SOX30: variants seen among roughly 807,000 people sequenced by gnomAD.
SOX30 encodes SRY-box transcription factor 30.
Under a neutral mutation model 58.6 loss-of-function variants are expected in SOX30, and 17 were observed. The observed-to-expected ratio is 0.29, with a 90% CI of 0.20 to 0.44. SOX30 has a LOEUF of 0.44. Among genes scored for constraint, SOX30 ranks in the 20% least tolerant of loss-of-function variants. The pLI, the probability that SOX30 is intolerant of heterozygous loss-of-function variation, is 1.00. For missense variants in SOX30, 951 were observed against 965.8 expected (o/e 0.98, Z 0.20); for synonymous variants, 421 against 400.2 (o/e 1.05, Z -0.62).
In SOX30 at chr5:157,646,867, A is replaced by G. The variant is rs781186297; in HGVS notation, c.1208-51T>C. The G allele has an allele frequency of 2.0e-5, 28 of 1,382,232 alleles. 1 individual carries two copies. In the South Asian group the frequency reaches 3.0e-4, roughly 15 times the overall value. The allele number at this position is 1,382,232 out of a possible 1,614,324, so 85.6% of individuals were successfully genotyped here. A position where few individuals can be genotyped will look rare whatever the true frequency, so the allele number is the denominator to read the frequency against. On this transcript the variant is annotated intron_variant, in intron 2 of 4. Transcript: ENST00000265007. ...TGTGTAGACTCCATTTAGCCTTTAAATAATTTTTTTCATACTAAAATGCAA... is the reference window on the plus strand; with the variant it reads ...TGTGTAGACTCCATTTAGCCTTTAAGTAATTTTTTTCATACTAAAATGCAA...
intron 4 of SOX30, among the ~76,000 whole-genome samples, chr5:157,631,486 C>T (rs921784219): frequency 1.3e-5 from 2 of 152,128 alleles, no homozygotes; most frequent in African/African-American, 2.4e-5. Flanking sequence ...TTGAGCTGGG[C>T]GCGGTGGCTC....
chr5:157,631,371 C>T (rs934314384), intron 4 of SOX30, among the ~76,000 whole-genome samples: 3 of 152,126 alleles, frequency 2.0e-5, no homozygotes, highest in Admixed American at 6.6e-5. Flanking sequence ...CTCTCACTTA[C>T]CTTTTTAATT....
intron 3 of SOX30, 44 bp downstream of exon 3, chr5:157,646,593 T>G: frequency 7.0e-7 from 1 of 1,426,670 alleles, no homozygotes; most frequent in Non-Finnish European, 9.6e-7. Flanking sequence ...AAAATTTTCT[T>G]GCAGCTATTT....
At chr5:157,660,085 A>T (rs1759550145) in intron 2 of SOX30, among the ~76,000 whole-genome samples, 1 of 152,202 alleles carries the variant, frequency 6.6e-6, no homozygotes, top group Admixed American at 6.5e-5. Flanking sequence ...ATGTCTGACC[A>T]CCCATTCCCA....
rs1758966379 is a variant in SOX30 at position 157,637,814 on chromosome 5, C to T, written c.1880+416G>A. Among the ~76,000 whole-genome samples the T allele has an allele frequency of 2.0e-5, 3 of 152,246 alleles. No homozygotes were observed. In the South Asian group the frequency reaches 6.2e-4, roughly 32 times the overall value. ...GTTCAAGTGATTCCCCTGCTTCAGC[C>T]TCCTGAGTAGCTGGGATCACAGGCA... On this transcript the variant is annotated intron_variant, in intron 4 of 4. Coordinates refer to ENST00000265007, the MANE Select transcript of SOX30 (RefSeq NM_178424.2).
intron 4 of SOX30, among the ~76,000 whole-genome samples, chr5:157,630,539 T>C (rs888067486): frequency 6.6e-6 from 1 of 152,174 alleles, no homozygotes; most frequent in Non-Finnish European, 1.5e-5. Context: ...TGCATGGTCA[T>C]TGAAATCTCT....
upstream of SOX30, among the ~76,000 whole-genome samples, chr5:157,655,163 C>G (rs191635009): frequency 9.6e-4 from 146 of 152,254 alleles, no homozygotes; most frequent in Middle Eastern, 3.4e-3. Flanking sequence ...TAACATCTTT[C>G]TGGCAACTAT....
At chr5:157,669,922 T>C (rs181871623) in intron 1 of SOX30, among the ~76,000 whole-genome samples, 22 of 152,300 alleles carry the variant, frequency 1.4e-4, no homozygotes, top group Non-Finnish European at 2.2e-4. Flanking sequence ...AAATTCTACC[T>C]GCCAACGCCC....
intron 3 of SOX30, 107 bp downstream of exon 3, chr5:157,646,530 A>T: frequency 1.3e-6 from 1 of 792,546 alleles, no homozygotes; most frequent in Non-Finnish European, 2.0e-6. Flanking sequence ...TTTTCTTAAC[A>T]TTGTTGTTCC....
Position 157,638,476 on chromosome 5 carries a change from C to T in SOX30, c.1634G>A (p.Arg545Lys). The T allele has an allele frequency of 6.2e-7, 1 of 1,614,162 alleles. No homozygotes were observed. The highest frequency in any genetic ancestry group is 1.3e-5 in the African/African-American group (1 of 75,040). ...PTPVSLESAN[R>K]ISSSASTAHA... The stretch of plus-strand genomic sequence containing the variant: ...GGCAGTACTTGCACTACTTGAAATC[C>T]TGTTGGCGCTCTCTAGAGAGACAGG... Residue 545 changes from arginine (R) to lysine (K), a missense_variant, in exon 4 of 5, where the codon AGG becomes AAG. By Grantham distance (26) the Arg-to-Lys change is conservative (BLOSUM62 2). Coordinates refer to ENST00000265007, the MANE Select transcript of SOX30 (RefSeq NM_178424.2).
intron 4 of SOX30, among the ~76,000 whole-genome samples, chr5:157,630,798 G>C (rs1229507404): frequency 2.1e-5 from 3 of 145,168 alleles, no homozygotes; most frequent in Non-Finnish European, 4.5e-5. Context: ...GTCTAGCTCT[G>C]GATATGTGTG....
chr5:157,651,273 G>A lies in SOX30; in HGVS notation c.806C>T (p.Pro269Leu). ...RIPLTLHTVP[P>L]GARIQFQGAP... ...TCCCTGAAACTGGATCCGGGCCCCA[G>A]GGGGGACCGTGTGGAGCGTCAAAGG... is the stretch of plus-strand genomic sequence containing the variant. The change falls in exon 1 of 5, where the codon CCT becomes CTT. Residue 269 changes from proline to leucine, a missense_variant. Physicochemically the swap from Pro to Leu is moderately conservative, Grantham distance 98 (BLOSUM62 -3). Transcript: ENST00000265007. 2 of 1,614,104 alleles carry A rather than the reference G, an allele frequency of 1.2e-6. No homozygotes were observed. Among genetic ancestry groups the A allele is most frequent in the Non-Finnish European group, 1.7e-6 (2 of 1,179,996 alleles).
intron 1 of SOX30, among the ~76,000 whole-genome samples, chr5:157,649,928 C>T (rs1189497337): frequency 6.6e-6 from 1 of 151,930 alleles, no homozygotes; most frequent in Non-Finnish European, 1.5e-5. Context: ...TTTTGAAAGT[C>T]AGAGAAGGCA....
At position 157,645,328 on chromosome 5, in the gene SOX30, T is replaced by C. The variant is rs142312430; in HGVS notation, c.1387+1309A>G. 3.0e-3 allele frequency among the ~76,000 whole-genome samples: 446 copies of C among 151,028 alleles called. 4 individuals carry two copies. The highest frequency in any genetic ancestry group is 0.01 in the African/African-American group (412 of 41,178). On this transcript the variant is annotated intron_variant, in intron 3 of 4. Coordinates refer to ENST00000265007, the MANE Select transcript of SOX30 (RefSeq NM_178424.2). ...TATTACCAGAAGGATTTAAAGAGGTTAAAAAAAAATAGAAAAAGCAGGTTT... is the reference window on the plus strand; with the variant it reads ...TATTACCAGAAGGATTTAAAGAGGTCAAAAAAAAATAGAAAAAGCAGGTTT...
intron 2 of SOX30, chr5:157,667,712 C>T (rs1759697853): frequency 6.7e-7 from 1 of 1,496,988 alleles, no homozygotes; most frequent in Non-Finnish European, 8.9e-7. Context: ...GCCCTCCAGC[C>T]TGGGCGACAG....
In SOX30 at chr5:157,652,221, C is replaced by T. The variant is rs1262521559; in HGVS notation, c.-143G>A. The T allele has an allele frequency of 4.7e-6, 6 of 1,289,698 alleles. No homozygotes were observed. The East Asian group carries it at 1.6e-4, about 33-fold the overall frequency. The allele number at this position is 1,289,698 out of a possible 1,614,324, so 79.9% of individuals were successfully genotyped here. ...TCAAAACGCAGCTGTCTGTCTGGGC[C>T]TCACCCAATCACAACGACCGATACC... On this transcript the variant is annotated 5_prime_UTR_variant, in exon 1 of 5. Transcript: ENST00000265007.
chr5:157,664,801 C>T (rs1490237148), intron 2 of SOX30, among the ~76,000 whole-genome samples: 1 of 152,126 alleles, frequency 6.6e-6, no homozygotes, highest in Admixed American at 6.5e-5. Context: ...ATGAACAGAC[C>T]CTTCTCAAAA....
chr5:157,636,632 G>A lies in SOX30; in HGVS notation c.1880+1598C>T, dbSNP rs74345750. Among the ~76,000 whole-genome samples, 816 of 152,202 alleles carry A rather than the reference G, an allele frequency of 5.4e-3. 6 individuals are homozygous for A. The highest frequency in any genetic ancestry group is 0.019 in the African/African-American group (783 of 41,516). ...CCACTTTCTTCCAGTCCTGAGCTAA[G>A]GGCCCAAAAGCAAGCAATTGATTAT... On this transcript the variant is annotated intron_variant, in intron 4 of 4. Transcript: ENST00000265007.
intron 2 of SOX30, among the ~76,000 whole-genome samples, chr5:157,658,095 A>T (rs1188054819): frequency 1.3e-5 from 2 of 152,238 alleles, no homozygotes; most frequent in African/African-American, 4.8e-5. Context: ...TACTCATCTC[A>T]TAGGTATTTG....
Sources: allele counts gnomAD v4.1 joint callset (sites outside exome capture counted in the v4.1 genomes callset), GRCh38; gene constraint gnomAD v4.1.1; transcripts MANE v1.5; gene names NCBI Gene and HGNC (gene_info 2026-07-23, HGNC 2026-07-21).